R3HDM1: variants seen among roughly 807,000 people sequenced by gnomAD.
The protein encoded by R3HDM1 is R3H domain-containing protein 1.
Under a neutral mutation model 141.1 loss-of-function variants are expected in R3HDM1, and 46 were observed. That is an observed-to-expected ratio of 0.33 (90% CI 0.26 to 0.42). The LOEUF (loss-of-function observed/expected upper bound fraction) is 0.42, where lower values mean the gene tolerates loss of function less well. R3HDM1 is among the 10% of genes least tolerant of loss of function. The pLI is 1.00. For missense variants in R3HDM1, 1,184 were observed against 1,368.3 expected, an observed-to-expected ratio of 0.87 and a Z score of 2.12; for synonymous variants, 435 against 472.9, an observed-to-expected ratio of 0.92 and a Z score of 1.04.
intron 11 of R3HDM1, 93 bp downstream of exon 11, chr2:135,636,276 T>C (rs2063238280): frequency 6.8e-7 from 1 of 1,478,364 alleles, no homozygotes; most frequent in Non-Finnish European, 9.0e-7. Flanking sequence ...ATCACATTTA[T>C]TTTTAATCAC....
rs777120522 is a variant in R3HDM1 at position 135,651,922 on chromosome 2, C to A, written c.1918C>A (p.Pro640Thr). 3 of 1,613,646 alleles carry A rather than the reference C, an allele frequency of 1.9e-6. No individual in the cohort carries two copies. The South Asian group carries it at 3.3e-5, about 18-fold the overall frequency. Reference sequence around the variant, plus strand: ...GCCACCACCACCACCTCCTCCTCCTCCCCTACCACCTGGGCAGCCAGTCCC... The same window carrying A: ...GCCACCACCACCACCTCCTCCTCCTACCCTACCACCTGGGCAGCCAGTCCC... ...PPPPPPPPPP[P>T]LPPGQPVPTA... The change falls in exon 18 of 27, where the codon CCC becomes ACC. Residue 640 changes from proline to threonine, a missense_variant. Around this residue, in one of 5 missense-constraint regions of R3HDM1, gnomAD observed 563 missense variants for 562.0 expected, o/e 1.00. Transcript: ENST00000683871.
At chr2:135,661,512 T>G (rs1197615871) in intron 19 of R3HDM1, 119 bp downstream of exon 19, 1 of 1,292,120 alleles carries the variant, frequency 7.7e-7, no homozygotes, top group Non-Finnish European at 1.1e-6. Context: ...TGTTCATACA[T>G]ATGAGTTTGC....
chr2:135,707,863 C>A (rs1488977062), intron 21 of R3HDM1, among the ~76,000 whole-genome samples: 1 of 152,192 alleles, frequency 6.6e-6, no homozygotes, highest in East Asian at 1.9e-4. Flanking sequence ...AAATCACTTT[C>A]TATTAAATCC....
At chr2:135,642,249 G>C (rs1409228858) in intron 15 of R3HDM1, among the ~76,000 whole-genome samples, 1 of 151,782 alleles carries the variant, frequency 6.6e-6, no homozygotes, top group Non-Finnish European at 1.5e-5. Context: ...AGAATGTGTT[G>C]ATTTTCTACT....
At chr2:135,685,188 G>A (rs72970223) in intron 21 of R3HDM1, among the ~76,000 whole-genome samples, 6,329 of 151,852 alleles carry the variant, frequency 0.042, 452 homozygotes, top group African/African-American at 0.15. Flanking sequence ...TGTCATCCTG[G>A]CAGTTTTTTA....
At chr2:135,598,147 T>C (rs1313483846) in intron 1 of R3HDM1, among the ~76,000 whole-genome samples, 1 of 152,202 alleles carries the variant, frequency 6.6e-6, no homozygotes. Flanking sequence ...TGCATATTTA[T>C]CATTTGTAAG....
In R3HDM1 at chr2:135,545,045, T is replaced by G. The variant is rs539043473; in HGVS notation, c.-250+13412T>G. Among the ~76,000 whole-genome samples, 23 of 152,336 alleles carry G rather than the reference T, an allele frequency of 1.5e-4. No individual in the cohort carries two copies. In the South Asian group the frequency reaches 4.8e-3, roughly 32 times the overall value. The stretch of plus-strand genomic sequence containing the variant: ...GTAAATAACCCCACCTCCTTAATGA[T>G]TCCATAAATACTGACCCAAATCATA... On this transcript the variant is annotated intron_variant, in intron 1 of 26. Transcript: ENST00000683871.
intron 26 of R3HDM1, 131 bp from the exon 27 acceptor site, chr2:135,723,804 AAG>A: frequency 2.1e-4 from 103 of 501,454 alleles, no homozygotes; most frequent in South Asian, 7.4e-4. Context: ...AAAAAAAAAA[AAG>A]ATGGCCCTAA....
intron 21 of R3HDM1, among the ~76,000 whole-genome samples, chr2:135,699,511 A>C (rs1365345014): frequency 2.0e-5 from 3 of 150,604 alleles, no homozygotes; most frequent in Admixed American, 6.7e-5. Context: ...GAGGACAAGG[A>C]GAGTATAAGG....
intron 5 of R3HDM1, among the ~76,000 whole-genome samples, chr2:135,618,157 A>G (rs545272395): frequency 6.7e-6 from 1 of 148,708 alleles, no homozygotes; most frequent in African/African-American, 2.6e-5. Flanking sequence ...CTGAAAATTA[A>G]TTTATGATTT....
chr2:135,706,129 G>GAAAA (rs1202285123), intron 21 of R3HDM1, among the ~76,000 whole-genome samples: 21 of 95,100 alleles, frequency 2.2e-4, no homozygotes, highest in African/African-American at 6.4e-4. Flanking sequence ...ACTCCATCTC[G>GAAAA]AAAAAAAAAA....
At chr2:135,660,714 C>T (rs2066584961) in intron 18 of R3HDM1, among the ~76,000 whole-genome samples, 1 of 151,772 alleles carries the variant, frequency 6.6e-6, no homozygotes, top group South Asian at 2.1e-4. Flanking sequence ...GGCATGGTGG[C>T]ACATGCCTGT....
At chr2:135,699,263 C>T (rs866310036) in intron 21 of R3HDM1, among the ~76,000 whole-genome samples, 10 of 152,160 alleles carry the variant, frequency 6.6e-5, no homozygotes, top group Middle Eastern at 6.8e-3. Flanking sequence ...TAAGGATAAG[C>T]GTTGAATTGG....
chr2:135,640,440 T>G (rs2063685151), intron 14 of R3HDM1, among the ~76,000 whole-genome samples: 1 of 152,208 alleles, frequency 6.6e-6, no homozygotes, highest in Non-Finnish European at 1.5e-5. Context: ...ATGAGAAAAT[T>G]ATGTAGACAC....
chr2:135,589,752 C>T (rs1708802837), intron 1 of R3HDM1, among the ~76,000 whole-genome samples: 1 of 151,734 alleles, frequency 6.6e-6, no homozygotes, highest in African/African-American at 2.4e-5. Context: ...CTACTTAACC[C>T]TTATTTTATA....
chr2:135,537,303 T>TTTTG, intron 1 of R3HDM1, among the ~76,000 whole-genome samples: 1 of 134,062 alleles, frequency 7.5e-6, no homozygotes, highest in Non-Finnish European at 1.5e-5. Flanking sequence ...TTTTTTTTTT[T>TTTTG]GAGATGAAGT....
intron 1 of R3HDM1, among the ~76,000 whole-genome samples, chr2:135,541,424 G>T (rs1697474257): frequency 6.6e-6 from 1 of 152,074 alleles, no homozygotes; most frequent in Admixed American, 6.6e-5. Context: ...TAGCCAGGAT[G>T]GTCTTGATCT....
intron 25 of R3HDM1, 75 bp downstream of exon 25, chr2:135,722,081 G>A: frequency 7.0e-7 from 1 of 1,419,716 alleles, no homozygotes; most frequent in South Asian, 1.2e-5. Context: ...GGGCAACCCT[G>A]AGCCCACCTG....
Position 135,599,074 on chromosome 2 carries a change from T to C in R3HDM1, c.-249-3426T>C, listed in dbSNP as rs147696704. Among the ~76,000 whole-genome samples the C allele has an allele frequency of 4.1e-3, 619 of 152,330 alleles. 4 individuals are homozygous for C. The highest frequency in any genetic ancestry group is 0.014 in the African/African-American group (591 of 41,578). ...TATAAAAAGATTTCCTATATATCCT[T>C]GTGCATTCATAGTTTTACTTTTTTA... On this transcript the variant is annotated intron_variant, in intron 1 of 26. Transcript: ENST00000683871.
Sources: allele counts gnomAD v4.1 joint callset (sites outside exome capture counted in the v4.1 genomes callset), GRCh38; gene constraint gnomAD v4.1.1; regional missense constraint gnomAD v4.1.1; transcripts MANE v1.5; gene names NCBI Gene and HGNC (gene_info 2026-07-23, HGNC 2026-07-21).